The following SYNE1 variants were observed in gnomAD, a reference collection of about 807,000 sequenced individuals.
SYNE1 encodes the protein spectrin repeat containing nuclear envelope protein 1.
A neutral mutation model predicts 1,111.0 loss-of-function variants in SYNE1; 616 were observed. The ratio of observed to expected loss-of-function variants is 0.55; its 90% CI spans 0.52 to 0.59. The LOEUF (loss-of-function observed/expected upper bound fraction) is 0.59, where lower values mean the gene tolerates loss of function less well. Among genes scored for constraint, SYNE1 ranks in the 20% least tolerant of loss-of-function variants. The probability of loss-of-function intolerance (pLI) is 0.00; values close to 1 mark genes in which losing one functional copy is unlikely to be tolerated. For missense variants in SYNE1, 10,006 were observed against 10,417.0 expected, an observed-to-expected ratio of 0.96 and a Z score of 1.72; for synonymous variants, 3,855 against 3,825.8, an observed-to-expected ratio of 1.01 and a Z score of -0.28.
chr6:152,504,963 C>T (rs1441533328), intron 9 of SYNE1, among the ~76,000 whole-genome samples: 1 of 152,158 alleles, frequency 6.6e-6, no homozygotes, highest in Admixed American at 6.6e-5. Context: ...GTCCAGTTCA[C>T]CCGACTGACA....
chr6:152,374,293 C>T (rs1359466267), intron 58 of SYNE1, among the ~76,000 whole-genome samples: 2 of 152,170 alleles, frequency 1.3e-5, no homozygotes, highest in African/African-American at 2.4e-5. Flanking sequence ...TTTTCAAGTG[C>T]TAAAGAAGAA....
intron 143 of SYNE1, 124 bp downstream of exon 143, chr6:152,133,151 TG>T: frequency 1.1e-6 from 1 of 917,594 alleles, no homozygotes; most frequent in African/African-American, 1.6e-5. Flanking sequence ...GTAAGAGCAG[TG>T]GCTGAAAGGA....
intron 59 of SYNE1, among the ~76,000 whole-genome samples, chr6:152,371,880 A>C (rs1375723715): frequency 8.2e-4 from 49 of 59,592 alleles, no homozygotes; most frequent in South Asian, 4.1e-3. Flanking sequence ...AAGGAAAGGA[A>C]AGGAAAGGAA....
At chr6:152,437,830 TAA>T (rs1326971759) in intron 32 of SYNE1, among the ~76,000 whole-genome samples, 1 of 152,170 alleles carries the variant, frequency 6.6e-6, no homozygotes, top group Non-Finnish European at 1.5e-5. Context: ...AGCTTTTCAG[TAA>T]GAGCATCTCC....
chr6:152,504,700 C>T (rs1271119796), intron 9 of SYNE1, among the ~76,000 whole-genome samples: 4 of 152,172 alleles, frequency 2.6e-5, no homozygotes, highest in Non-Finnish European at 5.9e-5. Context: ...AGAGTTCACT[C>T]CATTTCCAAA....
In SYNE1 at chr6:152,401,347, T is replaced by C. The variant is rs183683592; in HGVS notation, c.6826-6A>G. The C allele has an allele frequency of 1.3e-3, 2,158 of 1,612,720 alleles. 2 individuals are homozygous for C. Among genetic ancestry groups the C allele is most frequent in the Non-Finnish European group, 1.7e-3 (2,032 of 1,179,650 alleles). On this transcript the variant is annotated splice_polypyrimidine_tract_variant and splice_region_variant and intron_variant, in intron 46 of 145. Coordinates refer to ENST00000367255, the MANE Select transcript of SYNE1 (RefSeq NM_182961.4). ...ATTAAGTCTGCTTCTATAAACTAAA[T>C]ATCAAGCAAGATTTCATCAATATCT...
rs1464149657 is a variant in SYNE1, at chr6:152,330,618, T to A, written c.14067A>T (p.Glu4689Asp). Residue 4689 changes from glutamate (E) to aspartate (D), a missense_variant, in exon 78 of 146, where the codon GAA becomes GAT. By Grantham distance (45) the Glu-to-Asp change is conservative. This residue lies in a region of SYNE1 where 4,955 missense variants were observed against 5,017.2 expected (regional missense o/e 0.99). Transcript: ENST00000367255. ...TCATCCTCAAGAATTGGGCTTCAAG[T>A]TCACTCAGAGACTGGGTTGTCAACT... ...LIELTTQSLS[E>D]LEAQFLRMSK... 6.2e-7 allele frequency: 1 copy of A among 1,613,546 alleles called. No individual in the cohort carries two copies. Among genetic ancestry groups the A allele is most frequent in the South Asian group, 1.1e-5 (1 of 91,074 alleles).
chr6:152,554,793 C>G (rs896189453), intron 3 of SYNE1, among the ~76,000 whole-genome samples: 1 of 152,016 alleles, frequency 6.6e-6, no homozygotes, highest in African/African-American at 2.4e-5. Context: ...ACATCATCAC[C>G]CAAGAGCCTA....
In SYNE1 at chr6:152,148,461, C is replaced by T. The variant is rs1264187301; in HGVS notation, c.24643-83G>A. 4 of 1,213,792 alleles carry T rather than the reference C, an allele frequency of 3.3e-6. No homozygotes were observed. Among genetic ancestry groups the T allele is most frequent in the African/African-American group, 1.5e-5 (1 of 66,584 alleles). 75.2% of individuals were successfully genotyped at this position (1,213,792 alleles called of 1,614,324 possible). On this transcript the variant is annotated intron_variant, in intron 136 of 145. Transcript: ENST00000367255. This position sits in a 1 kb window ranked among gnomAD's most constrained non-coding sequence, Gnocchi z 4.1. ...GGGCCACCTGCCTACCATGTGGGGA[C>T]AATTTTTAACTTCTTATGAGCAAAT...
Position 152,330,482 on chromosome 6 carries a change from G to C in SYNE1, c.14203C>G (p.Gln4735Glu). The C allele has an allele frequency of 6.2e-7, 1 of 1,614,040 alleles. No individual in the cohort carries two copies. Among genetic ancestry groups the C allele is most frequent in the Admixed American group, 1.7e-5 (1 of 60,004 alleles). Reference protein sequence around the residue: ...GLGEAVDELNQKKEGFRSTGQ... With the variant: ...GLGEAVDELNEKKEGFRSTGQ... ...GTGCTGCGAAAACCTTCTTTTTTCT[G>C]GTTCAGTTCATCCACCGCCTCCCCA... Residue 4735 changes from glutamine to glutamate, a missense_variant, in exon 78 of 146, where the codon CAG (glutamine) becomes GAG (glutamate). Gln to Glu is a conservative substitution (Grantham distance 29). Coordinates refer to ENST00000367255, the MANE Select transcript of SYNE1 (RefSeq NM_182961.4).
intron 64 of SYNE1, among the ~76,000 whole-genome samples, chr6:152,360,646 T>C (rs1285971907): frequency 7.2e-5 from 11 of 152,228 alleles, no homozygotes; most frequent in Admixed American, 7.2e-4. Flanking sequence ...TTTTTACTGC[T>C]AGAATCGGGC....
chr6:152,255,793 A>C (rs1346820333), intron 102 of SYNE1, 47 bp from the exon 103 acceptor site: 1 of 1,608,296 alleles, frequency 6.2e-7, no homozygotes, highest in South Asian at 1.1e-5. Context: ...AGTGTTTTGA[A>C]AATCCAGGAA....
Position 152,563,133 on chromosome 6 carries a change from T to TGTAGATTG in SYNE1, c.68-23113_68-23112insCAATCTAC. Among the ~76,000 whole-genome samples the TGTAGATTG allele has an allele frequency of 2.6e-5, 4 of 152,132 alleles. No homozygotes were observed. In the South Asian group the frequency reaches 8.3e-4, roughly 32 times the overall value. On this transcript the variant is annotated intron_variant, in intron 3 of 145. Transcript: ENST00000367255. Reference sequence around the variant, plus strand: ...AGACAACAATAACAAAATAGTACCTTTTATCATACCCGGAGTCTTGTAGAT... The same window carrying TGTAGATTG: ...AGACAACAATAACAAAATAGTACCTTGTAGATTGTTATCATACCCGGAGTCTTGTAGAT...
intron 55 of SYNE1, chr6:152,381,581 C>T (rs2097417617): frequency 1.7e-6 from 1 of 597,052 alleles, no homozygotes; most frequent in East Asian, 2.8e-5. Context: ...CGAGAATCCT[C>T]AATATCCTGA....
At chr6:152,407,457 G>C (rs1451358776) in intron 44 of SYNE1, among the ~76,000 whole-genome samples, 1 of 152,096 alleles carries the variant, frequency 6.6e-6, no homozygotes, top group East Asian at 1.9e-4. Flanking sequence ...AACAACAACA[G>C]GTCCATTGGA....
intron 98 of SYNE1, among the ~76,000 whole-genome samples, chr6:152,277,316 C>T (rs1304368492): frequency 3.4e-5 from 4 of 116,474 alleles, no homozygotes; most frequent in South Asian, 2.8e-4. Flanking sequence ...CTTGCTCTGT[C>T]GCCCAGACTG....
chr6:152,471,769 G>T lies in SYNE1; in HGVS notation c.1464-4C>A. On this transcript the variant is annotated splice_region_variant and splice_polypyrimidine_tract_variant and intron_variant, in intron 15 of 145. Coordinates refer to ENST00000367255, the MANE Select transcript of SYNE1 (RefSeq NM_182961.4). The stretch of plus-strand genomic sequence containing the variant: ...TGTGGAGGAAACAAAATGAAACCTA[G>T]AAATAAAACAGGGAGAATTTATAGA... The T allele has an allele frequency of 6.2e-7, 1 of 1,613,030 alleles. No homozygotes were observed. The highest frequency in any genetic ancestry group is 1.3e-5 in the African/African-American group (1 of 74,996).
Position 152,434,083 on chromosome 6 carries a change from A to G in SYNE1, c.4311-138T>C, listed in dbSNP as rs2098452648. The G allele has an allele frequency of 6.5e-6, 5 of 773,138 alleles. No homozygotes were observed. In the South Asian group the frequency reaches 9.2e-5, roughly 14 times the overall value. 47.9% of individuals were successfully genotyped at this position (773,138 alleles called of 1,614,324 possible). A position where few individuals can be genotyped will look rare whatever the true frequency, so the allele number is the denominator to read the frequency against. Reference sequence around the variant, plus strand: ...AAAGTTGAAACTATTCACGCTAAAAAAAAAATTGCACAGTTGTTCTGAGTA... The same window carrying G: ...AAAGTTGAAACTATTCACGCTAAAAGAAAAATTGCACAGTTGTTCTGAGTA... On this transcript the variant is annotated intron_variant, in intron 33 of 145. Transcript: ENST00000367255.
chr6:152,229,600 A>G (rs2082301883), intron 115 of SYNE1, among the ~76,000 whole-genome samples: 1 of 152,200 alleles, frequency 6.6e-6, no homozygotes, highest in Admixed American at 6.5e-5. Context: ...CGGGAATCCA[A>G]CTAAGCCTCT....
Sources: allele counts gnomAD v4.1 joint callset (sites outside exome capture counted in the v4.1 genomes callset), GRCh38; gene constraint gnomAD v4.1.1; regional missense constraint gnomAD v4.1.1; non-coding constraint Gnocchi (gnomAD v3.1); transcripts MANE v1.5; gene names NCBI Gene and HGNC (gene_info 2026-07-23, HGNC 2026-07-21).